The following RBFOX1 variants were observed in gnomAD, a reference collection of about 807,000 sequenced individuals.
The protein encoded by RBFOX1 is RNA binding fox-1 homolog 1.
A neutral mutation model predicts 57.7 loss-of-function variants in RBFOX1; 8 were observed. The observed-to-expected ratio is 0.14, with a 90% CI of 0.08 to 0.25. RBFOX1 has a LOEUF of 0.25. RBFOX1 is among the 10% of genes least tolerant of loss of function. RBFOX1 has a pLI of 1.00. For synonymous variants in RBFOX1, 326 were observed against 222.4 expected (o/e 1.47, Z -4.15); for missense variants, 611 against 548.5 (o/e 1.11, Z -1.14).
rs566048605 is a variant in RBFOX1, at chr16:6,033,888, G to C, written c.-127+13896G>C. On this transcript the variant is annotated intron_variant, in intron 1 of 15. Transcript: ENST00000550418. ...TGAGCTGCACCCTTACATGTTGGTG[G>C]ATGAATGGGGTTTAGAACCAAATGA... is the stretch of plus-strand genomic sequence containing the variant. Among the ~76,000 whole-genome samples, 3 of 152,166 alleles carry C rather than the reference G, an allele frequency of 2.0e-5. No individual in the cohort carries two copies. The East Asian group carries it at 5.8e-4, about 29-fold the overall frequency.
At chr16:7,673,246 A>T (rs1454062211) in intron 13 of RBFOX1, among the ~76,000 whole-genome samples, 1 of 152,164 alleles carries the variant, frequency 6.6e-6, no homozygotes, top group Non-Finnish European at 1.5e-5. Flanking sequence ...TTAAGCCTCA[A>T]ATTCTCTGAG....
At chr16:7,152,807 C>T (rs547018482) in intron 4 of RBFOX1, among the ~76,000 whole-genome samples, 57 of 152,174 alleles carry the variant, frequency 3.7e-4, no homozygotes, top group Admixed American at 7.2e-4. Context: ...GACCATTTTC[C>T]CTCCCTAGAA....
chr16:7,604,480 T>G (rs1340745987), intron 9 of RBFOX1, among the ~76,000 whole-genome samples: 1 of 152,204 alleles, frequency 6.6e-6, no homozygotes, highest in Non-Finnish European at 1.5e-5. Context: ...GATCTCCTGA[T>G]GAAGGAGAGT....
At chr16:6,614,225 C>G (rs1157168998) in intron 2 of RBFOX1, among the ~76,000 whole-genome samples, 1 of 152,110 alleles carries the variant, frequency 6.6e-6, no homozygotes, top group African/African-American at 2.4e-5. Context: ...TTTCATACTG[C>G]CTGCTGCAAG....
At chr16:6,583,947 T>A (rs1162963043) in intron 2 of RBFOX1, among the ~76,000 whole-genome samples, 1 of 151,960 alleles carries the variant, frequency 6.6e-6, no homozygotes, top group Non-Finnish European at 1.5e-5. Context: ...TCACTCCAGT[T>A]TGGTAGTTGA....
At chr16:6,995,263 C>T (rs1227818645) in intron 3 of RBFOX1, among the ~76,000 whole-genome samples, 1 of 144,300 alleles carries the variant, frequency 6.9e-6, no homozygotes, top group African/African-American at 2.6e-5. Context: ...GTATTGATTA[C>T]AAAATGACTA....
intron 2 of RBFOX1, among the ~76,000 whole-genome samples, chr16:5,522,582 A>G (rs1041790870): frequency 6.6e-6 from 1 of 152,188 alleles, no homozygotes; most frequent in African/African-American, 2.4e-5. Context: ...TTTGAGATAT[A>G]CAGTACATTC....
At chr16:6,541,801 G>T (rs750128448) in intron 2 of RBFOX1, among the ~76,000 whole-genome samples, 1 of 152,190 alleles carries the variant, frequency 6.6e-6, no homozygotes, top group African/African-American at 2.4e-5. Context: ...CCTAGACTTA[G>T]TGGAAGAGGT....
At chr16:6,561,549 A>T (rs1218055032) in intron 2 of RBFOX1, among the ~76,000 whole-genome samples, 2 of 152,180 alleles carry the variant, frequency 1.3e-5, no homozygotes, top group Non-Finnish European at 2.9e-5. Flanking sequence ...ATAAAGGAAG[A>T]TGTGTGATTT....
At chr16:6,500,888 T>TGTTTGTTTG (rs1280970911) in intron 2 of RBFOX1, among the ~76,000 whole-genome samples, 4 of 22,128 alleles carry the variant, frequency 1.8e-4, no homozygotes, top group Non-Finnish European at 7.9e-4. Flanking sequence ...TTTTTTTTTT[T>TGTTTGTTTG]TTTTTTTTTT....
At chr16:6,969,843 T>C (rs1478667228) in intron 3 of RBFOX1, among the ~76,000 whole-genome samples, 1 of 152,170 alleles carries the variant, frequency 6.6e-6, no homozygotes, top group African/African-American at 2.4e-5. Context: ...ATTCTGAGTG[T>C]CAGCCATGTG....
Position 7,184,174 on chromosome 16 carries a change from T to A in RBFOX1, c.27+132076T>A, listed in dbSNP as rs945862502. ...GATCATAAAAAGAGTAGCACAGGGC[T>A]GGAATTAGCTCCGTGAACAAGTGGA... On this transcript the variant is annotated intron_variant, in intron 4 of 15. Transcript: ENST00000550418. Among the ~76,000 whole-genome samples, 13 of 152,102 alleles carry A rather than the reference T, an allele frequency of 8.5e-5. 1 individual carries two copies. Among genetic ancestry groups the A allele is most frequent in the Admixed American group, 3.3e-4 (5 of 15,272 alleles).
At chr16:6,971,215 G>A (rs897109175) in intron 3 of RBFOX1, among the ~76,000 whole-genome samples, 2 of 152,106 alleles carry the variant, frequency 1.3e-5, no homozygotes, top group African/African-American at 4.8e-5. Flanking sequence ...TATAGAAAGA[G>A]GTGTGCTAAA....
At chr16:5,239,941 G>A (rs1438277400) in exon 1 of RBFOX1, 4 of 1,526,514 alleles carry the variant, frequency 2.6e-6, no homozygotes, top group South Asian at 2.4e-5. Context: ...AGGCAGGGAT[G>A]GCCGGCCCAG....
chr16:6,798,035 G>C (rs1453071820), intron 3 of RBFOX1, among the ~76,000 whole-genome samples: 2 of 152,062 alleles, frequency 1.3e-5, no homozygotes, highest in Non-Finnish European at 2.9e-5. Context: ...TGATGATGAA[G>C]TTGATAGTGA....
In RBFOX1 at chr16:5,682,382, C is replaced by T. The variant is rs557053496; in HGVS notation, c.318+83421C>T. Among the ~76,000 whole-genome samples, 9 of 152,102 alleles carry T rather than the reference C, an allele frequency of 5.9e-5. 1 individual carries two copies. Among genetic ancestry groups the T allele is most frequent in the South Asian group, 2.1e-4 (1 of 4,802 alleles). On this transcript the variant is annotated intron_variant, in intron 3 of 19. Coordinates refer to the RBFOX1 transcript ENST00000641259. ...TATAAACTGGTTAAAATGTGGTAAT[C>T]GATGGAAAGACACCTGGAAAAAGAG...
At chr16:7,027,218 A>C (rs532841076) in intron 3 of RBFOX1, among the ~76,000 whole-genome samples, 16 of 152,210 alleles carry the variant, frequency 1.1e-4, no homozygotes, top group African/African-American at 3.8e-4. Flanking sequence ...CAGCGCACAG[A>C]AAAAACTCAT....
intron 4 of RBFOX1, among the ~76,000 whole-genome samples, chr16:7,351,501 T>C (rs567216514): frequency 3.3e-5 from 5 of 152,344 alleles, no homozygotes; most frequent in East Asian, 3.9e-4. Context: ...ATAATGTATA[T>C]ATAAACTGAT....
chr16:5,556,024 A>AAAACAAAC (rs142881757), intron 2 of RBFOX1, among the ~76,000 whole-genome samples: 2 of 151,906 alleles, frequency 1.3e-5, no homozygotes, highest in African/African-American at 4.9e-5. Flanking sequence ...CTGTCTCAAA[A>AAAACAAAC]AAACAAACAA....
Sources: gnomAD v4.1 joint callset for allele counts (sites outside exome capture counted in the v4.1 genomes callset) on GRCh38, gnomAD v4.1.1 for gene constraint, MANE v1.5 for transcripts, NCBI Gene and HGNC (gene_info 2026-07-23, HGNC 2026-07-21) for gene names.